The following CFAP74 variants were observed in gnomAD, a reference collection of about 807,000 sequenced individuals.
The protein encoded by CFAP74 is cilia- and flagella-associated protein 74.
CFAP74 carries 124 observed loss-of-function variants against 188.9 expected under a neutral mutation model. The observed-to-expected ratio is 0.66, with a 90% CI of 0.57 to 0.76. The LOEUF (loss-of-function observed/expected upper bound fraction) is 0.76, where lower values mean the gene tolerates loss of function less well. Among genes scored for constraint, CFAP74 ranks in the 30% least tolerant of loss-of-function variants. The pLI is 0.00. For missense variants in CFAP74, 2,198 were observed against 2,165.2 expected (o/e 1.02, Z -0.30); for synonymous variants, 956 against 916.7 (o/e 1.04, Z -0.77).
chr1:1,922,946 G>A (rs762314021), intron 37 of CFAP74, 39 bp downstream of exon 37: 2 of 1,536,234 alleles, frequency 1.3e-6, no homozygotes, highest in Non-Finnish European at 1.7e-6. Flanking sequence ...GGAGGCCGAG[G>A]GGGCTGCCTG....
chr1:2,003,319 A>T (rs1431521833), intron 1 of CFAP74, among the ~76,000 whole-genome samples: 1 of 152,176 alleles, frequency 6.6e-6, no homozygotes, highest in Non-Finnish European at 1.5e-5. Context: ...CAGCTTCCAA[A>T]ACTAGGTTAT....
chr1:1,960,065 T>C, intron 14 of CFAP74, 35 bp from the exon 15 acceptor site: 1 of 1,570,754 alleles, frequency 6.4e-7, no homozygotes, highest in Non-Finnish European at 8.7e-7. Context: ...CGGGGGTTAG[T>C]GCTGCGGAGG....
At position 1,968,934 on chromosome 1, in the gene CFAP74, G is replaced by T. The variant is rs1655681704; in HGVS notation, c.1047-101C>A. The T allele has an allele frequency of 1.2e-5, 8 of 661,886 alleles. No individual in the cohort carries two copies. In the South Asian group the frequency reaches 1.6e-4, roughly 13 times the overall value. The allele number at this position is 661,886 out of a possible 1,614,324, so 41.0% of individuals were successfully genotyped here. On this transcript the variant is annotated intron_variant, in intron 10 of 38. Coordinates refer to ENST00000682832, the MANE Select transcript of CFAP74 (RefSeq NM_001304360.2). The surrounding 1 kb of genome is among the most constrained non-coding windows in gnomAD (Gnocchi z 4.3). Reference sequence around the variant, plus strand: ...CGGCCCCTCCCTAGCGCCCTCCTGGGGGCTCCGGTCCTGCCCAGCAGCCCC... The same window carrying T: ...CGGCCCCTCCCTAGCGCCCTCCTGGTGGCTCCGGTCCTGCCCAGCAGCCCC...
At position 1,923,031 on chromosome 1, in the gene CFAP74, T is replaced by C; in HGVS notation, c.4637A>G (p.Glu1546Gly). Residue 1546 changes from glutamate to glycine, a missense_variant, in exon 37 of 39, where the codon GAG (glutamate) becomes GGG (glycine). Physicochemically the swap from Glu to Gly is moderately conservative, Grantham distance 98. Coordinates refer to ENST00000682832, the MANE Select transcript of CFAP74 (RefSeq NM_001304360.2). This position sits in a 1 kb window ranked among gnomAD's most constrained non-coding sequence, Gnocchi z 6.3. Reference protein sequence around the residue: ...TDTPAPPATRELQVGCIRTTQ... With the variant: ...TDTPAPPATRGLQVGCIRTTQ... ...GGTCCGGATACAGCCCACCTGCAGCTCTCGGGTGGCAGGTGGGGCTGGCGT... is the reference window on the plus strand; with the variant it reads ...GGTCCGGATACAGCCCACCTGCAGCCCTCGGGTGGCAGGTGGGGCTGGCGT... The C allele has an allele frequency of 6.2e-7, 1 of 1,606,276 alleles. No homozygotes were observed. The highest frequency in any genetic ancestry group is 8.5e-7 in the Non-Finnish European group (1 of 1,177,774).
In CFAP74 at chr1:1,988,608, G is replaced by A. The variant is rs756334902; in HGVS notation, c.200C>T (p.Thr67Ile). The stretch of plus-strand genomic sequence containing the variant: ...AAATGCCTGCGTTCTGTCCTCAGCT[G>A]TTTTCTTCTTCAATTTATCAGCATC... ...DTDADKLKKK[T>I]AEDRTQAFHL... is the part of the protein sequence containing the mutation. Residue 67 changes from threonine to isoleucine, a missense_variant, in exon 4 of 39, where the codon ACA becomes ATA. Physicochemically the swap from Thr to Ile is moderately conservative, Grantham distance 89 (BLOSUM62 -1). Coordinates refer to ENST00000682832, the MANE Select transcript of CFAP74 (RefSeq NM_001304360.2). 9 of 1,612,576 alleles carry A rather than the reference G, an allele frequency of 5.6e-6. No individual in the cohort carries two copies. In the South Asian group the frequency reaches 9.9e-5, roughly 18 times the overall value.
rs1651959538 is a variant in CFAP74, at chr1:1,927,006, G to C, written c.3550C>G (p.Arg1184Gly). ...RPSSDEYQAA[R>G]ATLLRAFQAK... ...TGGAACGCTCTGAGCAGGGTGGCTCGGGCGGCCTGGTACTCGTCGGAACTA... is the reference window on the plus strand; with the variant it reads ...TGGAACGCTCTGAGCAGGGTGGCTCCGGCGGCCTGGTACTCGTCGGAACTA... Residue 1184 changes from arginine to glycine, a missense_variant, in exon 29 of 39, where the codon CGA becomes GGA. Arg to Gly is a moderately radical substitution (Grantham distance 125). Transcript: ENST00000682832. 3.2e-6 allele frequency: 5 copies of C among 1,550,072 alleles called. No individual in the cohort carries two copies. Among genetic ancestry groups the C allele is most frequent in the South Asian group, 2.4e-5 (2 of 84,062 alleles).
intron 6 of CFAP74, among the ~76,000 whole-genome samples, chr1:1,979,589 T>C (rs868078100): frequency 0.12 from 4,047 of 33,148 alleles, 121 homozygotes; most frequent in Middle Eastern, 0.23. Context: ...GCGCAGAACA[T>C]GCGTGTGGTA....
At chr1:1,960,162 G>GCCTTCACCC (rs1654979476) in intron 14 of CFAP74, 132 bp from the exon 15 acceptor site, 2 of 734,420 alleles carry the variant, frequency 2.7e-6, no homozygotes, top group Non-Finnish European at 4.5e-6. Flanking sequence ...CTGCCCAGCC[G>GCCTTCACCC]CCTTCACCCC....
In CFAP74 at chr1:1,927,686, G is replaced by C. The variant is rs1397056704; in HGVS notation, c.3448C>G (p.Arg1150Gly). The C allele has an allele frequency of 3.9e-6, 6 of 1,550,088 alleles. No individual in the cohort carries two copies. In the East Asian group the frequency reaches 9.8e-5, roughly 25 times the overall value. ...DLHGLSFSVLRAQNRDKLFKV... is the reference protein window; with the variant it reads ...DLHGLSFSVLGAQNRDKLFKV... ...AACAGCTTGTCGCGGTTCTGTGCTC[G>C]AAGAACGGAGAATGACAGTCCATGC... The change falls in exon 28 of 39, where the codon CGA becomes GGA. Residue 1150 changes from arginine (R) to glycine (G), a missense_variant. Physicochemically the swap from Arg to Gly is moderately radical, Grantham distance 125. Coordinates refer to ENST00000682832, the MANE Select transcript of CFAP74 (RefSeq NM_001304360.2).
At chr1:1,929,927 CA>C (rs1421410409) in intron 26 of CFAP74, 132 bp downstream of exon 26, 37 of 1,054,270 alleles carry the variant, frequency 3.5e-5, no homozygotes, top group Middle Eastern at 3.2e-4. Context: ...GTCTGAGGGT[CA>C]GGTTCACTCC....
At chr1:1,957,957 G>A (rs1252013888) in intron 16 of CFAP74, among the ~76,000 whole-genome samples, 2 of 152,196 alleles carry the variant, frequency 1.3e-5, no homozygotes, top group Non-Finnish European at 2.9e-5. Flanking sequence ...ATGAACCCAA[G>A]CGGGGCCACT....
At position 1,923,123 on chromosome 1, in the gene CFAP74, G is replaced by A. The variant is rs771569747; in HGVS notation, c.4545C>T (p.Leu1515=). 3 of 1,609,654 alleles carry A rather than the reference G, an allele frequency of 1.9e-6. No homozygotes were observed. The highest frequency in any genetic ancestry group is 1.7e-5 in the Admixed American group (1 of 58,884). ...HREASSRPGP[L]SPEAEELRPI... is the part of the protein sequence containing the mutation. ...GCCTCAGCTCCTCAGCTTCTGGAGA[G>A]AGAGGGCCTGGCCGGGAGCTGGCTG... The change falls in exon 37 of 39, where the codon CTC becomes CTT. Residue 1515 remains leucine (L), a synonymous_variant. Transcript: ENST00000682832. This position sits in a 1 kb window ranked among gnomAD's most constrained non-coding sequence, Gnocchi z 6.3.
At chr1:1,970,164 G>A (rs1484412452) in intron 10 of CFAP74, among the ~76,000 whole-genome samples, 4 of 152,338 alleles carry the variant, frequency 2.6e-5, no homozygotes, top group East Asian at 3.9e-4. Context: ...GTTCACCACG[G>A]ACCCAAGCTG....
In CFAP74 at chr1:1,942,051, G is replaced by A. The variant is rs868342840; in HGVS notation, c.2592C>T (p.Ser864=). The change falls in exon 22 of 39, where the codon TCC becomes TCT. Residue 864 remains serine, a synonymous_variant. Transcript: ENST00000682832. This position sits in a 1 kb window ranked among gnomAD's most constrained non-coding sequence, Gnocchi z 4.3. ...TGYIQAQSSY[S]VQLKFLPRHS... Reference sequence around the variant, plus strand: ...ACCGCGGCAGGAACTTGAGCTGCACGGAGTAGGACGACTGTGCCTGGATAT... The same window carrying A: ...ACCGCGGCAGGAACTTGAGCTGCACAGAGTAGGACGACTGTGCCTGGATAT... 1.4e-5 allele frequency: 22 copies of A among 1,524,560 alleles called. No homozygotes were observed. Among genetic ancestry groups the A allele is most frequent in the Middle Eastern group, 1.7e-4 (1 of 5,732 alleles). The allele number at this position is 1,524,560 out of a possible 1,614,324, so 94.4% of individuals were successfully genotyped here.
At position 1,926,659 on chromosome 1, in the gene CFAP74, G is replaced by A. The variant is rs1478481858; in HGVS notation, c.3765C>T (p.Val1255=). The stretch of plus-strand genomic sequence containing the variant: ...CGGGGCTTAGCGTCTCACCCACAGC[G>A]ACGTCGCCGAAGTTAAAGATGGTCT... ...KGKTIFNFGD[V]AVGHRSIKKI... The change falls in exon 30 of 39, where the codon GTC becomes GTT. Residue 1255 remains valine (V), a synonymous_variant. Transcript: ENST00000682832. 1.9e-6 allele frequency: 3 copies of A among 1,549,988 alleles called. No homozygotes were observed. Among genetic ancestry groups the A allele is most frequent in the African/African-American group, 2.7e-5 (2 of 73,148 alleles).
At chr1:1,940,584 C>T (rs540446902) in intron 22 of CFAP74, among the ~76,000 whole-genome samples, 181 bp from the exon 23 acceptor site, 5 of 152,224 alleles carry the variant, frequency 3.3e-5, no homozygotes, top group Non-Finnish European at 7.3e-5. Flanking sequence ...GCACGTGGCC[C>T]CTGTGGCCCC....
At chr1:1,976,238 G>A (rs531284502) in intron 6 of CFAP74, among the ~76,000 whole-genome samples, 3 of 152,338 alleles carry the variant, frequency 2.0e-5, no homozygotes, top group East Asian at 3.9e-4. Flanking sequence ...CGCAGGTCTC[G>A]TGTTGAACCG....
intron 6 of CFAP74, among the ~76,000 whole-genome samples, chr1:1,981,749 A>C (rs1425620516): frequency 7.1e-6 from 1 of 140,160 alleles, no homozygotes; most frequent in Non-Finnish European, 1.5e-5. Context: ...CAGGACACCC[A>C]GCCGCGGTCA....
intron 33 of CFAP74, among the ~76,000 whole-genome samples, chr1:1,924,966 G>A (rs1372771406): frequency 4.6e-5 from 7 of 152,004 alleles, no homozygotes; most frequent in African/African-American, 1.2e-4. Context: ...ACCCACACTC[G>A]TGCGAAGGCA....
Sources: allele counts gnomAD v4.1 joint callset (sites outside exome capture counted in the v4.1 genomes callset), GRCh38; gene constraint gnomAD v4.1.1; non-coding constraint Gnocchi (gnomAD v3.1); transcripts MANE v1.5; gene names NCBI Gene and HGNC (gene_info 2026-07-23, HGNC 2026-07-21).